KAZN: variants seen among roughly 807,000 people sequenced by gnomAD.
KAZN encodes kazrin, periplakin interacting protein.
In KAZN, 40 loss-of-function variants were observed where a neutral mutation model predicts 87.4. The ratio of observed to expected loss-of-function variants is 0.46; its 90% CI spans 0.36 to 0.60. The LOEUF is 0.60. KAZN is among the 20% of genes least tolerant of loss of function. The pLI is 0.00. For synonymous variants in KAZN, 466 were observed against 458.3 expected (o/e 1.02, Z -0.22); for missense variants, 898 against 1,073.9 (o/e 0.84, Z 2.29).
intron 2 of KAZN, among the ~76,000 whole-genome samples, chr1:14,570,749 T>C (rs1374777536): frequency 6.6e-6 from 1 of 152,230 alleles, no homozygotes; most frequent in Non-Finnish European, 1.5e-5. Context: ...AAATAACTCA[T>C]AGAATCGCTG....
At chr1:14,950,940 A>G (rs921351245) in intron 1 of KAZN, among the ~76,000 whole-genome samples, 35 of 152,056 alleles carry the variant, frequency 2.3e-4, no homozygotes, top group Admixed American at 2.2e-3. Context: ...GGAGAAAGGG[A>G]ATAACTCAGT....
chr1:14,211,366 A>G (rs631281), intron 2 of KAZN, among the ~76,000 whole-genome samples: 144,634 of 152,128 alleles, frequency 0.95, 68,808 homozygotes, highest in East Asian at 1. Context: ...GACTACAGGC[A>G]CCCACCACCA....
At chr1:14,006,163 C>T (rs12730232) in intron 1 of KAZN, among the ~76,000 whole-genome samples, 9 of 151,846 alleles carry the variant, frequency 5.9e-5, no homozygotes, top group Non-Finnish European at 1.0e-4. Context: ...ATTTGTGGTC[C>T]CACTTCTTAT....
chr1:14,419,242 T>C (rs1665134345), intron 2 of KAZN, among the ~76,000 whole-genome samples: 1 of 152,142 alleles, frequency 6.6e-6, no homozygotes, highest in African/African-American at 2.4e-5. Flanking sequence ...TAAAAGTAAG[T>C]AAACTGAAGC....
intron 2 of KAZN, among the ~76,000 whole-genome samples, chr1:14,351,483 C>T (rs1184505133): frequency 1.3e-5 from 2 of 152,118 alleles, no homozygotes; most frequent in African/African-American, 2.4e-5. Context: ...TGCTTGAACC[C>T]GGGAGGAGGA....
chr1:14,924,047 C>G (rs1217439086), intron 1 of KAZN: 3 of 746,718 alleles, frequency 4.0e-6, no homozygotes, highest in Non-Finnish European at 2.9e-6. Context: ...GGCGCCGCGG[C>G]GGGGCGGGGG....
intron 8 of KAZN, among the ~76,000 whole-genome samples, chr1:15,074,398 C>T (rs1035867212): frequency 1.5e-4 from 23 of 152,182 alleles, no homozygotes; most frequent in African/African-American, 4.6e-4. Context: ...CTCCAGGGGT[C>T]TCTGGGCTGT....
chr1:14,359,144 T>C (rs879354067), intron 2 of KAZN, among the ~76,000 whole-genome samples: 10 of 152,234 alleles, frequency 6.6e-5, no homozygotes, highest in Non-Finnish European at 1.3e-4. Context: ...AGTTAGCTCT[T>C]CTTGTTGAAT....
At chr1:14,223,804 G>A (rs985371219) in intron 2 of KAZN, among the ~76,000 whole-genome samples, 3 of 152,172 alleles carry the variant, frequency 2.0e-5, no homozygotes, top group Non-Finnish European at 4.4e-5. Flanking sequence ...TATCTGGCTT[G>A]ATTTGTCCAC....
intron 1 of KAZN, among the ~76,000 whole-genome samples, chr1:14,880,101 G>C (rs773185886): frequency 6.6e-6 from 1 of 152,106 alleles, no homozygotes; most frequent in Non-Finnish European, 1.5e-5. Context: ...AGGTTCTGTC[G>C]TATGCATGAA....
At position 15,096,016 on chromosome 1, in the gene KAZN, G is replaced by A. The variant is rs1640791472; in HGVS notation, c.1547+1083G>A. On this transcript the variant is annotated intron_variant, in intron 10 of 14. Transcript: ENST00000376030. This position sits in a 1 kb window ranked among gnomAD's most constrained non-coding sequence, Gnocchi z 4.5. ...GCTGGGCTGAGGGATGGGGAGGAGG[G>A]CCATGAGGGCAACCCCTGCTGGGCT... is the stretch of plus-strand genomic sequence containing the variant. Among the ~76,000 whole-genome samples the A allele has an allele frequency of 6.6e-6, 1 of 152,116 alleles. No individual in the cohort carries two copies. The highest frequency in any genetic ancestry group is 2.1e-4 in the South Asian group (1 of 4,832).
At chr1:15,114,404 C>T in intron 14 of KAZN, 67 bp from the exon 15 acceptor site, 3 of 1,342,648 alleles carry the variant, frequency 2.2e-6, no homozygotes, top group East Asian at 2.5e-5. Flanking sequence ...GAGACATTTC[C>T]CAGACCTTCA....
chr1:14,939,690 G>A (rs575540571), intron 1 of KAZN, among the ~76,000 whole-genome samples: 4 of 152,312 alleles, frequency 2.6e-5, no homozygotes, highest in East Asian at 1.9e-4. Flanking sequence ...TCGGGCACTC[G>A]CCTCTGCCTG....
chr1:14,608,177 G>A (rs1046730303), intron 1 of KAZN, among the ~76,000 whole-genome samples: 1 of 152,232 alleles, frequency 6.6e-6, no homozygotes, highest in African/African-American at 2.4e-5. Context: ...AGACATGCCA[G>A]TAGGACGGTT....
At chr1:14,945,335 G>T (rs1042900957) in intron 1 of KAZN, among the ~76,000 whole-genome samples, 1 of 152,208 alleles carries the variant, frequency 6.6e-6, no homozygotes, top group Non-Finnish European at 1.5e-5. Flanking sequence ...AAACCGGGGC[G>T]CCCTGGAGTG....
At chr1:14,030,236 A>T (rs1448903339) in intron 1 of KAZN, among the ~76,000 whole-genome samples, 2 of 151,726 alleles carry the variant, frequency 1.3e-5, no homozygotes, top group Non-Finnish European at 2.9e-5. Flanking sequence ...TCTTTGAAGC[A>T]ATTGTGAATG....
At position 14,916,170 on chromosome 1, in the gene KAZN, CT is replaced by C. The variant is rs71307000; in HGVS notation, c.227-44495del. 1.7e-3 allele frequency among the ~76,000 whole-genome samples: 193 copies of C among 113,574 alleles called. 1 individual carries two copies. The highest frequency in any genetic ancestry group is 7.6e-3 in the South Asian group (27 of 3,540). 74.5% of individuals were successfully genotyped at this position (113,574 alleles called of 152,430 possible). ...TATTTGTAGTATTTTCACTGTTGTT[CT>C]TTTTTTTTTTTTTTTTTTGACAGAG... On this transcript the variant is annotated intron_variant, in intron 1 of 14. Coordinates refer to ENST00000376030, the MANE Select transcript of KAZN (RefSeq NM_201628.3).
intron 1 of KAZN, among the ~76,000 whole-genome samples, chr1:14,670,647 A>G (rs925516632): frequency 6.6e-6 from 1 of 152,234 alleles, no homozygotes; most frequent in African/African-American, 2.4e-5. Flanking sequence ...AGCCCGATTC[A>G]TACCAAGAAT....
chr1:14,811,834 C>CG (rs1249870596), intron 1 of KAZN, among the ~76,000 whole-genome samples: 2 of 152,100 alleles, frequency 1.3e-5, no homozygotes, highest in Non-Finnish European at 2.9e-5. Flanking sequence ...CCCTGTTGCA[C>CG]GGGGGAAATG....
Sources: gnomAD v4.1 joint callset for allele counts (sites outside exome capture counted in the v4.1 genomes callset) on GRCh38, gnomAD v4.1.1 for gene constraint, Gnocchi (gnomAD v3.1) non-coding constraint, MANE v1.5 for transcripts, NCBI Gene and HGNC (gene_info 2026-07-23, HGNC 2026-07-21) for gene names.